Variants in TCF4 observed in about 807,000 individuals in gnomAD.
TCF4 encodes transcription factor 4, also known as SL3-3 enhancer factor 2.
A neutral mutation model predicts 82.1 loss-of-function variants in TCF4; 3 were observed. That is an observed-to-expected ratio of 0.04 (90% confidence interval 0.02 to 0.09). The LOEUF (loss-of-function observed/expected upper bound fraction) is 0.09, where lower values mean the gene tolerates loss of function less well. Ranked by LOEUF, TCF4 falls within the 10% of genes least tolerant of loss-of-function variation. The pLI is 1.00. For missense variants in TCF4, 518 were observed against 852.7 expected (o/e 0.61, Z 4.89); for synonymous variants, 276 against 309.6 (o/e 0.89, Z 1.14).
intron 3 of TCF4, among the ~76,000 whole-genome samples, chr18:55,516,014 T>C (rs2096877786): frequency 6.6e-6 from 1 of 152,108 alleles, no homozygotes; most frequent in Non-Finnish European, 1.5e-5. Flanking sequence ...TAGACTTGAT[T>C]AAAAAGTCAG....
intron 8 of TCF4, among the ~76,000 whole-genome samples, chr18:55,325,390 G>C (rs1319282634): frequency 6.6e-6 from 1 of 152,152 alleles, no homozygotes; most frequent in East Asian, 1.9e-4. Context: ...GTAAAGAGCT[G>C]AACTATCCAC....
chr18:55,465,295 G>A (rs766995107), intron 3 of TCF4, among the ~76,000 whole-genome samples: 1 of 151,988 alleles, frequency 6.6e-6, no homozygotes, highest in Non-Finnish European at 1.5e-5. Context: ...ATTATCAGCA[G>A]AAGTAATCAT....
intron 5 of TCF4, among the ~76,000 whole-genome samples, chr18:55,432,430 T>A (rs1045116298): frequency 6.6e-6 from 1 of 151,970 alleles, no homozygotes; most frequent in African/African-American, 2.4e-5. Flanking sequence ...ACTGAAGACT[T>A]ACTGTGCTTC....
chr18:55,422,630 G>GT (rs960002294), intron 5 of TCF4: 3 of 280,014 alleles, frequency 1.1e-5, no homozygotes, highest in Non-Finnish European at 1.6e-5. Context: ...GTGTGTGTGT[G>GT]TTTTTTTCTT....
At chr18:55,553,577 C>T (rs1361297463) in intron 3 of TCF4, among the ~76,000 whole-genome samples, 2 of 152,164 alleles carry the variant, frequency 1.3e-5, no homozygotes, top group Admixed American at 6.6e-5. Context: ...CCCCAACTCC[C>T]TGTGTTTATG....
chr18:55,457,204 C>T (rs2095777540), intron 5 of TCF4, among the ~76,000 whole-genome samples: 2 of 152,150 alleles, frequency 1.3e-5, no homozygotes, highest in African/African-American at 2.4e-5. Flanking sequence ...CTTTTTGTTT[C>T]TGTTAGTTAG....
chr18:55,457,584 C>T (rs1477515305), intron 5 of TCF4, among the ~76,000 whole-genome samples: 1 of 152,164 alleles, frequency 6.6e-6, no homozygotes, highest in Non-Finnish European at 1.5e-5. Context: ...CCCCTGAGCT[C>T]AAGAGATCCT....
chr18:55,432,914 A>G (rs2147184181), intron 5 of TCF4, among the ~76,000 whole-genome samples: 1 of 152,354 alleles, frequency 6.6e-6, no homozygotes, highest in African/African-American at 2.4e-5. Flanking sequence ...ACTTATTAAA[A>G]AATAATGATG....
chr18:55,547,334 T>G (rs1274995125), intron 3 of TCF4, among the ~76,000 whole-genome samples: 1 of 152,222 alleles, frequency 6.6e-6, no homozygotes, highest in Non-Finnish European at 1.5e-5. Flanking sequence ...TAAATTATTC[T>G]GGGAAGACAA....
intron 8 of TCF4, among the ~76,000 whole-genome samples, chr18:55,297,130 TGA>T (rs890783544): frequency 2.2e-4 from 33 of 150,126 alleles, no homozygotes; most frequent in Non-Finnish European, 4.6e-4. Flanking sequence ...GAAAGCCTGT[TGA>T]GTCTTTTCTT....
At chr18:55,568,770 A>G (rs1310400924) in intron 3 of TCF4, among the ~76,000 whole-genome samples, 1 of 152,148 alleles carries the variant, frequency 6.6e-6, no homozygotes, top group Non-Finnish European at 1.5e-5. Context: ...ACAAAACTAG[A>G]CTTAGAAAGT....
intron 3 of TCF4, among the ~76,000 whole-genome samples, chr18:55,547,351 T>A (rs1259399693): frequency 6.6e-6 from 1 of 152,202 alleles, no homozygotes; most frequent in Non-Finnish European, 1.5e-5. Context: ...ACAATTTCTG[T>A]CAAACTGACA....
chr18:55,262,112 A>G (rs1332996126), intron 11 of TCF4, among the ~76,000 whole-genome samples: 1 of 152,206 alleles, frequency 6.6e-6, no homozygotes, highest in East Asian at 1.9e-4. Flanking sequence ...CTGTGTTCAC[A>G]CTAAAAAAAG....
At chr18:55,614,977 G>C (rs1258478619) in intron 2 of TCF4, among the ~76,000 whole-genome samples, 1 of 152,064 alleles carries the variant, frequency 6.6e-6, no homozygotes. Flanking sequence ...TTTGCTTAAG[G>C]ATATCCATCA....
intron 2 of TCF4, among the ~76,000 whole-genome samples, chr18:55,610,684 A>G (rs1487274915): frequency 6.6e-6 from 1 of 152,242 alleles, no homozygotes; most frequent in Non-Finnish European, 1.5e-5. Flanking sequence ...ATCAAGATGG[A>G]AAGATTACAC....
At chr18:55,527,898 C>T (rs1052568050) in intron 3 of TCF4, among the ~76,000 whole-genome samples, 5 of 152,104 alleles carry the variant, frequency 3.3e-5, no homozygotes, top group African/African-American at 9.7e-5. Flanking sequence ...ACCCTAGGAG[C>T]AAACCAATTG....
At chr18:55,390,563 ATG>A (rs2146129739) in intron 6 of TCF4, among the ~76,000 whole-genome samples, 1 of 152,252 alleles carries the variant, frequency 6.6e-6, no homozygotes, top group East Asian at 1.9e-4. Context: ...CTAGAGCTAT[ATG>A]TGTAACTATC....
At chr18:55,554,789 T>A (rs1034405283) in intron 3 of TCF4, among the ~76,000 whole-genome samples, 3 of 152,342 alleles carry the variant, frequency 2.0e-5, no homozygotes, top group Admixed American at 1.3e-4. Flanking sequence ...CATATGCATT[T>A]ATTTCTCCAT....
intron 8 of TCF4, among the ~76,000 whole-genome samples, chr18:55,288,118 G>A (rs1207261398): frequency 6.6e-6 from 1 of 152,024 alleles, no homozygotes; most frequent in Non-Finnish European, 1.5e-5. Flanking sequence ...GATGTGAGTG[G>A]ACTCACTCTG....
Sources: allele counts gnomAD v4.1 joint callset (sites outside exome capture counted in the v4.1 genomes callset), GRCh38; gene constraint gnomAD v4.1.1; transcripts MANE v1.5; gene names NCBI Gene and HGNC (gene_info 2026-07-23, HGNC 2026-07-21).